C6: variants seen among roughly 807,000 people sequenced by gnomAD.
C6 encodes complement C6.
A neutral mutation model predicts 112.9 loss-of-function variants in C6; 101 were observed. That is an observed-to-expected ratio of 0.89 (90% confidence interval 0.76 to 1.06). C6 has a LOEUF of 1.06. Among genes scored for constraint, C6 ranks in the 50% least tolerant of loss-of-function variants. The pLI is 0.00. For synonymous variants in C6, 431 were observed against 384.1 expected (o/e 1.12, Z -1.43); for missense variants, 1,202 against 1,104.6 (o/e 1.09, Z -1.25).
At chr5:41,183,382 C>G (rs1308780748) in intron 6 of C6, among the ~76,000 whole-genome samples, 1 of 151,830 alleles carries the variant, frequency 6.6e-6, no homozygotes, top group Non-Finnish European at 1.5e-5. Flanking sequence ...TGAAAAAATG[C>G]TCATCATCAA....
At chr5:41,185,381 A>T (rs898511923) in intron 6 of C6, among the ~76,000 whole-genome samples, 5 of 152,160 alleles carry the variant, frequency 3.3e-5, no homozygotes, top group African/African-American at 1.2e-4. Flanking sequence ...CAACTCTGAA[A>T]TTCTCTCTAG....
chr5:41,172,178 C>T (rs1212825190), intron 9 of C6, 47 bp downstream of exon 9: 2 of 1,605,608 alleles, frequency 1.2e-6, no homozygotes, highest in South Asian at 1.1e-5. Context: ...AAATGACAGC[C>T]AGGCTCAGGG....
intron 1 of C6, among the ~76,000 whole-genome samples, chr5:41,233,953 G>T (rs1354548913): frequency 6.6e-6 from 1 of 151,928 alleles, no homozygotes; most frequent in African/African-American, 2.4e-5. Context: ...TCGCTTAAAT[G>T]ATTTCCACAA....
chr5:41,257,081 C>T (rs957631020), intron 1 of C6, among the ~76,000 whole-genome samples: 8 of 152,062 alleles, frequency 5.3e-5, no homozygotes, highest in East Asian at 1.9e-4. Flanking sequence ...TTTGTTACAA[C>T]GGTAAATTGC....
chr5:41,233,293 C>T (rs954715361), intron 1 of C6, among the ~76,000 whole-genome samples: 1 of 152,052 alleles, frequency 6.6e-6, no homozygotes, highest in Admixed American at 6.6e-5. Context: ...CTTCATGGAT[C>T]TTGTGGCACA....
chr5:41,255,223 T>G (rs1025191155), intron 1 of C6, among the ~76,000 whole-genome samples: 2 of 151,864 alleles, frequency 1.3e-5, no homozygotes, highest in Non-Finnish European at 2.9e-5. Context: ...TAGGCGGGCA[T>G]GGTGGTGGGT....
Position 41,179,463 on chromosome 5 carries a change from G to A in C6, c.927+1896C>T, listed in dbSNP as rs573498720. On this transcript the variant is annotated intron_variant, in intron 7 of 17. Coordinates refer to ENST00000337836, the MANE Select transcript of C6 (RefSeq NM_000065.5). Reference sequence around the variant, plus strand: ...CCAATCCTGCATGCTATATTATACTGAGCTAGGGAGCTAAAAATAAAAAAG... The same window carrying A: ...CCAATCCTGCATGCTATATTATACTAAGCTAGGGAGCTAAAAATAAAAAAG... Among the ~76,000 whole-genome samples, 4 of 151,864 alleles carry A rather than the reference G, an allele frequency of 2.6e-5. No individual in the cohort carries two copies. In the South Asian group the frequency reaches 8.3e-4, roughly 32 times the overall value.
At chr5:41,198,831 C>A (rs1750798393) in intron 4 of C6, among the ~76,000 whole-genome samples, 1 of 152,102 alleles carries the variant, frequency 6.6e-6, no homozygotes, top group Non-Finnish European at 1.5e-5. Context: ...AGTTATACTT[C>A]AGTTCTAGAG....
intron 1 of C6, among the ~76,000 whole-genome samples, chr5:41,239,951 G>A (rs1225869900): frequency 1.3e-5 from 2 of 152,052 alleles, no homozygotes; most frequent in Non-Finnish European, 2.9e-5. Context: ...GGCCTGTAGG[G>A]TTTCTGTTGA....
At chr5:41,221,150 A>AT (rs1456597694) in intron 1 of C6, among the ~76,000 whole-genome samples, 4 of 151,568 alleles carry the variant, frequency 2.6e-5, no homozygotes, top group African/African-American at 9.7e-5. Flanking sequence ...GAGCTGTTTT[A>AT]TTTTTTTGCT....
At chr5:41,252,160 A>G (rs554480302) in intron 1 of C6, among the ~76,000 whole-genome samples, 1 of 152,344 alleles carries the variant, frequency 6.6e-6, no homozygotes, top group East Asian at 1.9e-4. Flanking sequence ...TATTTTAACT[A>G]ATATAAATAG....
intron 1 of C6, among the ~76,000 whole-genome samples, chr5:41,242,823 A>T (rs1740804433): frequency 1.3e-5 from 2 of 152,312 alleles, no homozygotes; most frequent in South Asian, 4.1e-4. Context: ...TTAAAAAAGA[A>T]GGAAATTCTA....
chr5:41,225,390 A>C (rs1739424658), intron 1 of C6, among the ~76,000 whole-genome samples: 1 of 152,110 alleles, frequency 6.6e-6, no homozygotes, highest in Non-Finnish European at 1.5e-5. Context: ...CTACAAAGGA[A>C]ATGAACTCAT....
rs1474636532 is a variant in C6 at position 41,160,541 on chromosome 5, G to A, written c.1459-174C>T. ...ACCAGTAGGCAAAAGCCTTCTACCT[G>A]TGGACAGGTGTGATGTATATGGCAC... On this transcript the variant is annotated intron_variant, in intron 10 of 17. Transcript: ENST00000337836. Among the ~76,000 whole-genome samples the A allele has an allele frequency of 1.3e-5, 2 of 152,150 alleles. 1 individual carries two copies. The highest frequency in any genetic ancestry group is 3.9e-4 in the East Asian group (2 of 5,188).
chr5:41,179,054 G>A (rs115025668), intron 7 of C6, among the ~76,000 whole-genome samples: 3,377 of 151,976 alleles, frequency 0.022, 57 homozygotes, highest in Middle Eastern at 0.12. Flanking sequence ...AAGTTTCACT[G>A]TGTTTCCCAG....
intron 5 of C6, among the ~76,000 whole-genome samples, chr5:41,192,265 G>A (rs1291635086): frequency 6.6e-6 from 1 of 152,082 alleles, no homozygotes; most frequent in East Asian, 1.9e-4. Context: ...AGATATCTGG[G>A]ATGTACTCTG....
chr5:41,206,540 T>A (rs1256448045), intron 1 of C6, among the ~76,000 whole-genome samples: 1 of 152,168 alleles, frequency 6.6e-6, no homozygotes, highest in Non-Finnish European at 1.5e-5. Context: ...AATGACCTGA[T>A]GGAGCTGAAA....
intron 11 of C6, 92 bp downstream of exon 11, chr5:41,160,050 A>T: frequency 1.0e-6 from 1 of 996,420 alleles, no homozygotes; most frequent in Non-Finnish European, 1.6e-6. Context: ...GGAGGTTGCT[A>T]ATAGAAGTTT....
intron 1 of C6, among the ~76,000 whole-genome samples, chr5:41,206,094 C>T (rs907426459): frequency 2.6e-5 from 4 of 152,202 alleles, no homozygotes; most frequent in Non-Finnish European, 5.9e-5. Flanking sequence ...GCTGGTAATA[C>T]ACAGGCAAAC....
Sources: gnomAD v4.1 joint callset for allele counts (sites outside exome capture counted in the v4.1 genomes callset) on GRCh38, gnomAD v4.1.1 for gene constraint, MANE v1.5 for transcripts, NCBI Gene and HGNC (gene_info 2026-07-23, HGNC 2026-07-21) for gene names.